Variants in KDM4A observed in about 807,000 individuals in gnomAD.
KDM4A encodes lysine-specific demethylase 4A.
Under a neutral mutation model 127.1 loss-of-function variants are expected in KDM4A, and 23 were observed. The observed-to-expected ratio is 0.18, with a 90% CI of 0.13 to 0.26. The LOEUF (loss-of-function observed/expected upper bound fraction) is 0.26. KDM4A is among the 10% of genes least tolerant of loss of function. KDM4A has a pLI of 1.00. For missense variants in KDM4A, 890 were observed against 1,329.1 expected, an observed-to-expected ratio of 0.67 and a Z score of 5.14; for synonymous variants, 443 against 466.5, an observed-to-expected ratio of 0.95 and a Z score of 0.65.
chr1:43,679,473 A>G (rs749751459), intron 11 of KDM4A, among the ~76,000 whole-genome samples: 4 of 152,158 alleles, frequency 2.6e-5, no homozygotes, highest in African/African-American at 7.2e-5. Flanking sequence ...CACTGGATCT[A>G]TATTTGTAGA....
chr1:43,666,882 G>A, intron 7 of KDM4A, 72 bp from the exon 8 acceptor site: 5 of 1,507,942 alleles, frequency 3.3e-6, no homozygotes, highest in Non-Finnish European at 4.6e-6. Flanking sequence ...CTAAGTTGTG[G>A]TGGAGCTCAG....
chr1:43,677,170 C>T (rs1660759403), intron 11 of KDM4A, among the ~76,000 whole-genome samples: 1 of 152,014 alleles, frequency 6.6e-6, no homozygotes, highest in Non-Finnish European at 1.5e-5. Flanking sequence ...CATGGTGAAA[C>T]CTTGTCTTTA....
intron 12 of KDM4A, among the ~76,000 whole-genome samples, chr1:43,685,194 T>C (rs1337789075): frequency 6.6e-6 from 1 of 151,910 alleles, no homozygotes; most frequent in African/African-American, 2.4e-5. Flanking sequence ...TAAGCAGCCA[T>C]GTGTAAGGAA....
Position 43,667,825 on chromosome 1 carries a change from G to C in KDM4A, c.969G>C (p.Lys323Asn). 5 of 1,613,838 alleles carry C rather than the reference G, an allele frequency of 3.1e-6. No homozygotes were observed. Among genetic ancestry groups the C allele is most frequent in the Non-Finnish European group, 4.2e-6 (5 of 1,179,948 alleles). ...VKISMDVFVRKFQPERYKLWK... is the reference protein window; with the variant it reads ...VKISMDVFVRNFQPERYKLWK... Reference sequence around the variant, plus strand: ...TCTCCATGGATGTGTTTGTGAGAAAGTTCCAGCCAGAAAGGTACAAACTTT... The same window carrying C: ...TCTCCATGGATGTGTTTGTGAGAAACTTCCAGCCAGAAAGGTACAAACTTT... Residue 323 changes from lysine to asparagine, a missense_variant, in exon 9 of 22, where the codon AAG (lysine) becomes AAC (asparagine). By Grantham distance (94) the Lys-to-Asn change is moderately conservative (BLOSUM62 0). This residue lies in a region of KDM4A where 141 missense variants were observed against 273.5 expected (regional missense o/e 0.52). Coordinates refer to ENST00000372396, the MANE Select transcript of KDM4A (RefSeq NM_014663.3).
Position 43,667,895 on chromosome 1 carries a change from A to C in KDM4A, c.1039A>C (p.Thr347Pro). The change falls in exon 9 of 22, where the codon ACG becomes CCG. Residue 347 changes from threonine (T) to proline (P), a missense_variant. Thr to Pro is a conservative substitution (Grantham distance 38). Transcript: ENST00000372396. The part of the protein sequence containing the change: ...DNTVIDHTLP[T>P]PEAAEFLKES... ...CACAGTTATTGACCATACTCTGCCC[A>C]CGCCAGAAGCAGCTGAGTTTCTTAA... 6.2e-7 allele frequency: 1 copy of C among 1,614,206 alleles called. No individual in the cohort carries two copies. Among genetic ancestry groups the C allele is most frequent in the Non-Finnish European group, 8.5e-7 (1 of 1,180,022 alleles).
intron 3 of KDM4A, among the ~76,000 whole-genome samples, chr1:43,657,243 G>A (rs752431520): frequency 3.7e-4 from 56 of 150,568 alleles, no homozygotes; most frequent in Admixed American, 1.3e-4. Flanking sequence ...TCGCTCTGTC[G>A]CCAGGCTAGA....
In KDM4A at chr1:43,669,316, G is replaced by A. The variant is rs1327089736; in HGVS notation, c.1363+17G>A. 2 of 1,612,730 alleles carry A rather than the reference G, an allele frequency of 1.2e-6. No individual in the cohort carries two copies. Among genetic ancestry groups the A allele is most frequent in the East Asian group, 2.2e-5 (1 of 44,880 alleles). On this transcript the variant is annotated intron_variant, in intron 10 of 21. Transcript: ENST00000372396. ...CCTTCCCAGGTTAGTTGACTATGGT[G>A]TATTTTCCACAACCCTAACTCATAT...
In KDM4A at chr1:43,665,716, A is replaced by G; in HGVS notation, c.644A>G (p.His215Arg). 2 of 1,614,136 alleles carry G rather than the reference A, an allele frequency of 1.2e-6. No individual in the cohort carries two copies. Among genetic ancestry groups the G allele is most frequent in the Non-Finnish European group, 1.7e-6 (2 of 1,180,002 alleles). The part of the protein sequence containing the change: ...PKSWYSVPPE[H>R]GKRLERLAKG... The stretch of plus-strand genomic sequence containing the variant: ...TGCAGGTACTCTGTTCCACCTGAGC[A>G]TGGAAAGCGGTTGGAACGCCTCGCC... Residue 215 changes from histidine (H) to arginine (R), a missense_variant, in exon 6 of 22, where the codon CAT becomes CGT. His to Arg is a conservative substitution (Grantham distance 29). Around this residue, in one of 7 missense-constraint regions of KDM4A, gnomAD observed 141 missense variants for 273.5 expected, o/e 0.52. Coordinates refer to ENST00000372396, the MANE Select transcript of KDM4A (RefSeq NM_014663.3).
intron 3 of KDM4A, among the ~76,000 whole-genome samples, chr1:43,656,789 A>T (rs1660252359): frequency 6.7e-6 from 1 of 148,908 alleles, no homozygotes; most frequent in Non-Finnish European, 1.5e-5. Context: ...GCAATGGTGC[A>T]GTCTCGGCTC....
rs1032548148 is a variant in KDM4A at position 43,694,142 on chromosome 1, A to G, written c.2484+40A>G. The G allele has an allele frequency of 3.3e-6, 5 of 1,526,116 alleles. No individual in the cohort carries two copies. The highest frequency in any genetic ancestry group is 4.5e-6 in the Non-Finnish European group (5 of 1,104,916). The allele number at this position is 1,526,116 out of a possible 1,614,324, so 94.5% of individuals were successfully genotyped here. ...ACTCTACATAATTTCCCGACTTACAAGTTTCTGGGTAGAAGAGAACAGGGA... is the reference window on the plus strand; with the variant it reads ...ACTCTACATAATTTCCCGACTTACAGGTTTCTGGGTAGAAGAGAACAGGGA... On this transcript the variant is annotated intron_variant, in intron 17 of 21. Coordinates refer to ENST00000372396, the MANE Select transcript of KDM4A (RefSeq NM_014663.3). This position sits in a 1 kb window ranked among gnomAD's most constrained non-coding sequence, Gnocchi z 5.2.
intron 19 of KDM4A, 151 bp from the exon 20 acceptor site, chr1:43,703,466 T>G (rs912143108): frequency 1.4e-5 from 12 of 883,102 alleles, no homozygotes; most frequent in Non-Finnish European, 7.0e-6. Flanking sequence ...CTTAGCAAGG[T>G]CTTTAACTGT....
chr1:43,657,672 C>G (rs896943966), intron 3 of KDM4A, among the ~76,000 whole-genome samples: 5 of 152,000 alleles, frequency 3.3e-5, no homozygotes, highest in Non-Finnish European at 7.4e-5. Flanking sequence ...CACCTGCCTT[C>G]TGTTTCTCAC....
intron 10 of KDM4A, 63 bp from the exon 11 acceptor site, chr1:43,671,442 C>T (rs1440426254): frequency 1.3e-6 from 2 of 1,485,422 alleles, no homozygotes; most frequent in East Asian, 4.7e-5. Context: ...TGCCCTCTGC[C>T]TTTCATCAGG....
chr1:43,697,959 A>C lies in KDM4A; in HGVS notation c.2787A>C (p.Glu929Asp), dbSNP rs1299347574. The C allele has an allele frequency of 4.3e-6, 7 of 1,613,764 alleles. No homozygotes were observed. The highest frequency in any genetic ancestry group is 5.9e-6 in the Non-Finnish European group (7 of 1,179,988). Residue 929 changes from glutamate to aspartate, a missense_variant, in exon 19 of 22, where the codon GAA becomes GAC. By Grantham distance (45) the Glu-to-Asp change is conservative. This residue lies in a region of KDM4A where 246 missense variants were observed against 418.4 expected (regional missense o/e 0.59). Coordinates refer to ENST00000372396, the MANE Select transcript of KDM4A (RefSeq NM_014663.3). ...GGCTCACCACCGAGACCTTCTATGA[A>C]GTCAACTTTGATGATGGCTCCTTCA... ...VVRLTTETFY[E>D]VNFDDGSFSD...
intron 11 of KDM4A, among the ~76,000 whole-genome samples, chr1:43,676,888 T>C: frequency 6.6e-6 from 1 of 152,186 alleles, no homozygotes; most frequent in Non-Finnish European, 1.5e-5. Context: ...AATAGATTAT[T>C]GTAAACTATA....
rs1267465419 is a variant in KDM4A at position 43,683,730 on chromosome 1, A to G, written c.1781A>G (p.Lys594Arg). The change falls in exon 12 of 22, where the codon AAG becomes AGG. Residue 594 changes from lysine to arginine, a missense_variant. By Grantham distance (26) the Lys-to-Arg change is conservative. Around this residue, in one of 7 missense-constraint regions of KDM4A, gnomAD observed 389 missense variants for 485.9 expected, o/e 0.80. Transcript: ENST00000372396. ...MFSLEENKKS[K>R]GRRQPLSKLP... The stretch of plus-strand genomic sequence containing the variant: ...TCCCTAGAAGAGAATAAGAAGTCCA[A>G]GGGACGCCGTCAGCCTTTAAGCAAG... 2 of 1,613,982 alleles carry G rather than the reference A, an allele frequency of 1.2e-6. No homozygotes were observed. Among genetic ancestry groups the G allele is most frequent in the South Asian group, 1.1e-5 (1 of 91,058 alleles).
At chr1:43,690,172 TGCA>T (rs1246043042) in intron 13 of KDM4A, among the ~76,000 whole-genome samples, 2 of 152,244 alleles carry the variant, frequency 1.3e-5, no homozygotes, top group Non-Finnish European at 2.9e-5. Context: ...GTGACAGTGC[TGCA>T]GTTCAGGTGA....
rs757442076 is a variant in KDM4A, at chr1:43,689,004, C to T, written c.1946C>T (p.Pro649Leu). 3.7e-5 allele frequency: 60 copies of T among 1,614,122 alleles called. No homozygotes were observed. Among genetic ancestry groups the T allele is most frequent in the Non-Finnish European group, 4.2e-5 (49 of 1,180,036 alleles). ...AGCCAACTGTGGCAGAACCGACCTC[C>T]AAACTTTGAGGCTGAGAAGGAATTC... ...PLSQLWQNRP[P>L]NFEAEKEFNE... The change falls in exon 13 of 22, where the codon CCA becomes CTA. Residue 649 changes from proline to leucine, a missense_variant. Physicochemically the swap from Pro to Leu is moderately conservative, Grantham distance 98 (BLOSUM62 -3). Coordinates refer to ENST00000372396, the MANE Select transcript of KDM4A (RefSeq NM_014663.3).
intron 4 of KDM4A, among the ~76,000 whole-genome samples, chr1:43,660,801 GA>G (rs5773812): frequency 0.27 from 40,649 of 151,926 alleles, 6,019 homozygotes; most frequent in East Asian, 0.45. Context: ...AATACATTTA[GA>G]TTTTTCAGAA....
Sources: gnomAD v4.1 joint callset for allele counts (sites outside exome capture counted in the v4.1 genomes callset) on GRCh38, gnomAD v4.1.1 for gene constraint, gnomAD v4.1.1 regional missense constraint, Gnocchi (gnomAD v3.1) non-coding constraint, MANE v1.5 for transcripts, NCBI Gene and HGNC (gene_info 2026-07-23, HGNC 2026-07-21) for gene names.